The following MGAM variants were observed in gnomAD, a reference collection of about 807,000 sequenced individuals.
MGAM encodes maltase-glucoamylase.
Under a neutral mutation model 358.8 loss-of-function variants are expected in MGAM, and 253 were observed. That is an observed-to-expected ratio of 0.71 (90% CI 0.64 to 0.78). The LOEUF is 0.78. MGAM is among the 30% of genes least tolerant of loss of function. The pLI is 0.00. For missense variants in MGAM, 3,080 were observed against 3,432.6 expected, an observed-to-expected ratio of 0.90 and a Z score of 2.57; for synonymous variants, 1,105 against 1,227.1, an observed-to-expected ratio of 0.90 and a Z score of 2.08.
At position 142,034,296 on chromosome 7, in the gene MGAM, C is replaced by T. The variant is rs1554464953; in HGVS notation, c.1704C>T (p.Leu568=). ...ILDGYLFCKT[L]CMDAVQHWGK... The stretch of plus-strand genomic sequence containing the variant: ...ATGGGTACCTGTTCTGCAAGACTCT[C>T]TGTATGGATGCAGTGCAGCACTGGG... The change falls in exon 15 of 71, where the codon CTC becomes CTT. Residue 568 remains leucine, a synonymous_variant. Coordinates refer to ENST00000475668, the MANE Select transcript of MGAM (RefSeq NM_001365693.1). The T allele has an allele frequency of 6.9e-6, 11 of 1,599,854 alleles. No individual in the cohort carries two copies. Among genetic ancestry groups the T allele is most frequent in the Non-Finnish European group, 8.5e-6 (10 of 1,173,048 alleles).
intron 65 of MGAM, 145 bp downstream of exon 65, chr7:142,096,560 G>A (rs112474790): frequency 0.082 from 67,161 of 820,604 alleles, 13 homozygotes; most frequent in Non-Finnish European, 0.11. Context: ...CTGAGCTGAA[G>A]TCCATCACTT....
At chr7:142,039,583 C>G (rs1808323165) in intron 19 of MGAM, among the ~76,000 whole-genome samples, 1 of 152,112 alleles carries the variant, frequency 6.6e-6, no homozygotes, top group South Asian at 2.1e-4. Context: ...GACAAACATC[C>G]AAACTATATC....
chr7:142,042,013 T>TG (rs1808796939), intron 21 of MGAM, among the ~76,000 whole-genome samples: 2 of 22,374 alleles, frequency 8.9e-5, no homozygotes, highest in African/African-American at 2.8e-4. Flanking sequence ...ATATATAATA[T>TG]AATATATATA....
chr7:142,064,770 A>G (rs1006205959), intron 37 of MGAM, among the ~76,000 whole-genome samples: 4 of 152,216 alleles, frequency 2.6e-5, no homozygotes, highest in Non-Finnish European at 4.4e-5. Flanking sequence ...CTAGTGGGAA[A>G]GACTCACATG....
At chr7:142,021,115 T>C in intron 5 of MGAM, 32 bp downstream of exon 5, 1 of 1,485,066 alleles carries the variant, frequency 6.7e-7, no homozygotes, top group Non-Finnish European at 9.2e-7. Flanking sequence ...TTTAAGTTTT[T>C]TTGAGAGACT....
chr7:142,089,358 A>C (rs974330039), intron 57 of MGAM, among the ~76,000 whole-genome samples: 3 of 146,708 alleles, frequency 2.0e-5, no homozygotes, highest in Admixed American at 6.8e-5. Flanking sequence ...TCCACAAAAT[A>C]TCTCTCACCT....
Position 141,995,927 on chromosome 7 carries a change from TGA to T in MGAM, c.-4_-3del, listed in dbSNP as rs1334839046. On this transcript the variant is annotated splice_region_variant and 5_prime_UTR_variant, in exon 1 of 71. Transcript: ENST00000475668. ...GAGAGGGAGCGGCTGCAAGAGGTAA[TGA>T]GGTATGTTTGTGAACCTTGTATTCT... 2.6e-5 allele frequency: 4 copies of T among 152,128 alleles called. No homozygotes were observed. The highest frequency in any genetic ancestry group is 6.5e-5 in the Admixed American group (1 of 15,272). 9.4% of individuals were successfully genotyped at this position (152,128 alleles called of 1,614,324 possible). A position where few individuals can be genotyped will look rare whatever the true frequency, so the allele number is the denominator to read the frequency against.
At chr7:142,063,372 G>A (rs1812414452) in intron 35 of MGAM, 127 bp from the exon 36 acceptor site, 2 of 1,107,564 alleles carry the variant, frequency 1.8e-6, no homozygotes, top group South Asian at 2.9e-5. Context: ...ATTTGATGAA[G>A]CTCCCAGGGC....
In MGAM at chr7:142,059,592, C is replaced by G. The variant is rs1811905343; in HGVS notation, c.3940C>G (p.Leu1314Val). The stretch of plus-strand genomic sequence containing the variant: ...GAAGGCTGATGGGATGCGGGTCATC[C>G]TCATTCTGGTTAGTCCTGATGTGAA... ...RMKADGMRVI[L>V]ILDPAISGNE... The change falls in exon 32 of 71, where the codon CTC (leucine) becomes GTC (valine). Residue 1314 changes from leucine (L) to valine (V), a missense_variant. Around this residue, in one of 5 missense-constraint regions of MGAM, gnomAD observed 1,816 missense variants for 1,840.5 expected, o/e 0.99. Transcript: ENST00000475668. 2 of 1,612,200 alleles carry G rather than the reference C, an allele frequency of 1.2e-6. No individual in the cohort carries two copies. The highest frequency in any genetic ancestry group is 1.7e-6 in the Non-Finnish European group (2 of 1,178,710).
chr7:142,076,923 G>A (rs1813797966), intron 47 of MGAM, 97 bp downstream of exon 47: 2 of 1,340,792 alleles, frequency 1.5e-6, no homozygotes, highest in Non-Finnish European at 2.1e-6. Flanking sequence ...GAAGTACCAG[G>A]GCACCTTTGA....
intron 20 of MGAM, 51 bp downstream of exon 20, chr7:142,040,222 C>T (rs2129011130): frequency 7.3e-7 from 1 of 1,373,978 alleles, no homozygotes; most frequent in South Asian, 1.2e-5. Context: ...GCTGCAGCTG[C>T]ATAGACAAGC....
intron 1 of MGAM, among the ~76,000 whole-genome samples, chr7:141,996,431 A>T (rs1053838535): frequency 1.3e-5 from 2 of 152,136 alleles, no homozygotes; most frequent in Admixed American, 6.6e-5. Context: ...TAGTGTGTGT[A>T]TATTTTTCTG....
Position 142,097,971 on chromosome 7 carries a change from G to A in MGAM, c.7749+322G>A, listed in dbSNP as rs1816092946. Among the ~76,000 whole-genome samples the A allele has an allele frequency of 2.6e-5, 4 of 152,206 alleles. No homozygotes were observed. In the East Asian group the frequency reaches 7.7e-4, roughly 29 times the overall value. On this transcript the variant is annotated intron_variant, in intron 66 of 70. Coordinates refer to ENST00000475668, the MANE Select transcript of MGAM (RefSeq NM_001365693.1). Reference sequence around the variant, plus strand: ...TAAAGGCAGATGCTTTTGAGATTGTGTTGCAAACTATAGTTTTTGTTTTTA... The same window carrying A: ...TAAAGGCAGATGCTTTTGAGATTGTATTGCAAACTATAGTTTTTGTTTTTA...
At chr7:142,045,667 G>A (rs1418452521) in intron 21 of MGAM, among the ~76,000 whole-genome samples, 2 of 97,566 alleles carry the variant, frequency 2.0e-5, no homozygotes, top group Non-Finnish European at 3.8e-5. Flanking sequence ...TACAATATAT[G>A]AATATATAAT....
intron 3 of MGAM, among the ~76,000 whole-genome samples, chr7:142,015,922 TA>T (rs1354500366): frequency 2.3e-4 from 35 of 152,094 alleles, no homozygotes; most frequent in African/African-American, 7.7e-4. Flanking sequence ...GAGTTTTTTT[TA>T]ATGAATCACA....
rs143574397 is a variant in MGAM at position 142,082,680 on chromosome 7, C to T, written c.6268+109C>T. 1.9e-4 allele frequency: 171 copies of T among 882,052 alleles called. 14 individuals are homozygous for T. The highest frequency in any genetic ancestry group is 2.6e-4 in the Non-Finnish European group (151 of 577,690). 54.6% of individuals were successfully genotyped at this position (882,052 alleles called of 1,614,324 possible). ...CCTTGAAGTCAAAATCTTCATTTTA[C>T]GGGCACTGCTGTTTATTTTTTCTTT... On this transcript the variant is annotated intron_variant, in intron 52 of 70. Transcript: ENST00000475668.
chr7:142,000,605 G>T (rs1365801671), intron 1 of MGAM, among the ~76,000 whole-genome samples: 5 of 152,130 alleles, frequency 3.3e-5, no homozygotes, highest in African/African-American at 1.2e-4. Context: ...GCCGTGTGAT[G>T]ATTTTAAATA....
At chr7:142,047,226 G>A (rs1810482498) in intron 21 of MGAM, among the ~76,000 whole-genome samples, 1 of 152,066 alleles carries the variant, frequency 6.6e-6, no homozygotes, top group African/African-American at 2.4e-5. Flanking sequence ...GTAATGTTTT[G>A]TGTTTCTTAT....
chr7:142,002,367 A>G (rs185030428), intron 1 of MGAM, among the ~76,000 whole-genome samples: 4 of 152,312 alleles, frequency 2.6e-5, no homozygotes, highest in East Asian at 1.9e-4. Flanking sequence ...GGAAAAGATA[A>G]TAACACCATG....
Sources: allele counts gnomAD v4.1 joint callset (sites outside exome capture counted in the v4.1 genomes callset), GRCh38; gene constraint gnomAD v4.1.1; regional missense constraint gnomAD v4.1.1; transcripts MANE v1.5; gene names NCBI Gene and HGNC (gene_info 2026-07-23, HGNC 2026-07-21).